LRRC37A2: variants seen among roughly 807,000 people sequenced by gnomAD.
LRRC37A2 encodes leucine-rich repeat-containing protein 37A2.
In LRRC37A2, 9 loss-of-function variants were observed where a neutral mutation model predicts 68.8. That is an observed-to-expected ratio of 0.13 (90% CI 0.08 to 0.23). The LOEUF (loss-of-function observed/expected upper bound fraction) is 0.23, where lower values mean the gene tolerates loss of function less well. LRRC37A2 is among the 10% of genes least tolerant of loss of function. The pLI is 1.00. For synonymous variants in LRRC37A2, 63 were observed against 367.6 expected (o/e 0.17, Z 9.48); for missense variants, 168 against 950.4 (o/e 0.18, Z 10.82).
At chr17:46,834,445 C>A in the LRRC37A2 span, among the ~76,000 whole-genome samples, 2 of 152,110 alleles carry the variant, frequency 1.3e-5, no homozygotes, top group Admixed American at 6.5e-5. Context: ...CACTAGGGCA[C>A]CTGGCAAGTT....
chr17:46,744,508 A>T, the LRRC37A2 span, among the ~76,000 whole-genome samples: 6 of 152,318 alleles, frequency 3.9e-5, no homozygotes, highest in Middle Eastern at 3.4e-3. Flanking sequence ...GCATTGAATG[A>T]TATGGAAAGA....
At chr17:46,838,053 T>A in the LRRC37A2 span, among the ~76,000 whole-genome samples, 1 of 152,062 alleles carries the variant, frequency 6.6e-6, no homozygotes, top group Non-Finnish European at 1.5e-5. Context: ...CCAACCCCTG[T>A]GTTGAGGGGG....
chr17:46,935,044 A>G, the LRRC37A2 span: 4 of 1,612,928 alleles, frequency 2.5e-6, no homozygotes, highest in Non-Finnish European at 3.4e-6. Flanking sequence ...TGACACCACC[A>G]TACCAATGGA....
At chr17:46,703,708 A>G in the LRRC37A2 span, among the ~76,000 whole-genome samples, 1 of 151,388 alleles carries the variant, frequency 6.6e-6, no homozygotes, top group Middle Eastern at 3.4e-3. Context: ...AAAAAAACAA[A>G]AAACAGAAAA....
the LRRC37A2 span, among the ~76,000 whole-genome samples, chr17:46,851,031 C>A: frequency 6.6e-6 from 1 of 152,234 alleles, no homozygotes; most frequent in Non-Finnish European, 1.5e-5. This position sits in a 1 kb window ranked among gnomAD's most constrained non-coding sequence, Gnocchi z 4.3. Flanking sequence ...GCAACAGGGT[C>A]CCCTGAGCCA....
the LRRC37A2 span, among the ~76,000 whole-genome samples, chr17:47,013,009 T>C: frequency 6.6e-6 from 1 of 152,224 alleles, no homozygotes; most frequent in Admixed American, 6.5e-5. Context: ...ATTCATACAA[T>C]GGAATATTAT....
At chr17:46,771,953 C>T in the LRRC37A2 span, among the ~76,000 whole-genome samples, 4 of 148,604 alleles carry the variant, frequency 2.7e-5, no homozygotes, top group East Asian at 5.9e-4. Flanking sequence ...GCGCCTCGCC[C>T]CTTCCGGCCG....
chr17:46,602,753 C>T, the LRRC37A2 span, among the ~76,000 whole-genome samples: 1 of 147,542 alleles, frequency 6.8e-6, no homozygotes, highest in Non-Finnish European at 1.5e-5. Flanking sequence ...TTTAATTATC[C>T]TGACTATTTT....
At chr17:46,458,811 G>A in the LRRC37A2 span, among the ~76,000 whole-genome samples, 1 of 109,532 alleles carries the variant, frequency 9.1e-6, no homozygotes, top group Non-Finnish European at 2.1e-5. Flanking sequence ...AAAGTGCTGA[G>A]ATTATAGGCG....
chr17:46,541,719 A>T (rs2055356265), intron 8 of LRRC37A2, among the ~76,000 whole-genome samples: 1 of 150,988 alleles, frequency 6.6e-6, no homozygotes, highest in African/African-American at 2.5e-5. Flanking sequence ...CAACAATAAA[A>T]GCAGTAGAAA....
At chr17:46,877,817 T>C in the LRRC37A2 span, among the ~76,000 whole-genome samples, 1 of 152,188 alleles carries the variant, frequency 6.6e-6, no homozygotes, top group Non-Finnish European at 1.5e-5. Flanking sequence ...AGTTAAGGCT[T>C]TTGCCCTGGC....
the LRRC37A2 span, among the ~76,000 whole-genome samples, chr17:46,926,284 A>G: frequency 2.6e-5 from 4 of 152,240 alleles, no homozygotes; most frequent in African/African-American, 4.8e-5. Context: ...GTTAACAACA[A>G]ACTTACATGA....
chr17:46,610,153 T>G, the LRRC37A2 span, among the ~76,000 whole-genome samples: 1 of 106,816 alleles, frequency 9.4e-6, no homozygotes, highest in African/African-American at 3.5e-5. Flanking sequence ...TTTTGTAGAG[T>G]TTGGGTCTCA....
the LRRC37A2 span, among the ~76,000 whole-genome samples, chr17:46,642,501 TTTTGTC>T: frequency 2.9e-5 from 4 of 135,758 alleles, no homozygotes; most frequent in Non-Finnish European, 4.5e-5. Flanking sequence ...GTTAGATAAT[TTTTGTC>T]CTCTTGAGAA....
At chr17:46,745,671 G>C in the LRRC37A2 span, among the ~76,000 whole-genome samples, 1 of 152,140 alleles carries the variant, frequency 6.6e-6, no homozygotes, top group African/African-American at 2.4e-5. Context: ...TATGGACTAT[G>C]GAACATTAAA....
the LRRC37A2 span, among the ~76,000 whole-genome samples, chr17:46,437,752 C>CT: frequency 7.0e-6 from 1 of 143,032 alleles, no homozygotes; most frequent in Non-Finnish European, 1.5e-5. Flanking sequence ...AGGGAGAAAT[C>CT]TTAGCAAGAC....
chr17:46,938,758 T>C, the LRRC37A2 span: 10 of 1,613,810 alleles, frequency 6.2e-6, no homozygotes, highest in African/African-American at 2.7e-5. Flanking sequence ...GTACCTGACA[T>C]GAGCCAGCCA....
At chr17:46,785,479 T>G in the LRRC37A2 span, among the ~76,000 whole-genome samples, 1 of 152,100 alleles carries the variant, frequency 6.6e-6, no homozygotes. Context: ...TTCCTTCCCC[T>G]CCGACAGGAG....
At chr17:46,929,831 G>C in the LRRC37A2 span, 1 of 497,924 alleles carries the variant, frequency 2.0e-6, no homozygotes, top group East Asian at 3.6e-5. Flanking sequence ...GGGAATGGAA[G>C]CGCTTGCCTC....
Sources: allele counts gnomAD v4.1 joint callset (sites outside exome capture counted in the v4.1 genomes callset), GRCh38; gene constraint gnomAD v4.1.1; non-coding constraint Gnocchi (gnomAD v3.1); transcripts MANE v1.5; gene names NCBI Gene and HGNC (gene_info 2026-07-23, HGNC 2026-07-21).